Variants in TSTD2 observed in about 807,000 individuals in gnomAD.
TSTD2 encodes the protein thiosulfate sulfurtransferase like domain containing 2, also known as thiosulfate sulfurtransferase/rhodanese-like domain-containing protein 2.
A neutral mutation model predicts 47.9 loss-of-function variants in TSTD2; 37 were observed. That is an observed-to-expected ratio of 0.77 (90% confidence interval 0.59 to 1.02). The LOEUF (loss-of-function observed/expected upper bound fraction) is 1.02, where lower values mean the gene tolerates loss of function less well. Among genes scored for constraint, TSTD2 ranks in the 50% least tolerant of loss-of-function variants. The pLI is 0.00. For missense variants in TSTD2, 586 were observed against 616.0 expected, an observed-to-expected ratio of 0.95 and a Z score of 0.52; for synonymous variants, 201 against 215.9, an observed-to-expected ratio of 0.93 and a Z score of 0.61.
At chr9:97,626,192 C>T (rs1404654137) in intron 2 of TSTD2, among the ~76,000 whole-genome samples, 195 bp from the exon 3 acceptor site, 6 of 151,572 alleles carry the variant, frequency 4.0e-5, no homozygotes, top group African/African-American at 1.2e-4. Context: ...GAAATTAAAA[C>T]TAGGCTTTAT....
At chr9:97,619,023 G>A (rs1298552697) in intron 3 of TSTD2, among the ~76,000 whole-genome samples, 4 of 152,204 alleles carry the variant, frequency 2.6e-5, no homozygotes, top group Non-Finnish European at 5.9e-5. Context: ...ATTCCCTGAA[G>A]TGTGGGGCCA....
intron 3 of TSTD2, among the ~76,000 whole-genome samples, chr9:97,620,234 G>T (rs893431630): frequency 3.9e-5 from 6 of 152,126 alleles, no homozygotes. Context: ...TTAAAACTGG[G>T]AGTTTTCCTG....
At chr9:97,606,593 C>T (rs1172919412) in intron 6 of TSTD2, among the ~76,000 whole-genome samples, 1 of 152,168 alleles carries the variant, frequency 6.6e-6, no homozygotes, top group African/African-American at 2.4e-5. Flanking sequence ...TCTAAATTGC[C>T]ATGTGAATTT....
Position 97,627,332 on chromosome 9 carries a change from C to A in TSTD2, c.165+66G>T, listed in dbSNP as rs1314888095. The A allele has an allele frequency of 3.3e-6, 5 of 1,502,110 alleles. No individual in the cohort carries two copies. The East Asian group carries it at 1.2e-4, about 35-fold the overall frequency. 93.0% of individuals were successfully genotyped at this position (1,502,110 alleles called of 1,614,324 possible). On this transcript the variant is annotated intron_variant, in intron 2 of 9. Transcript: ENST00000341170. ...TTGAGCTGGAGAGCAACCTTGATAA[C>A]CGACTTCCAAATGTATCTGCGTTAA...
intron 4 of TSTD2, among the ~76,000 whole-genome samples, chr9:97,615,142 G>A (rs1188291685): frequency 6.6e-6 from 1 of 152,124 alleles, no homozygotes; most frequent in East Asian, 1.9e-4. Flanking sequence ...ATATAGCTAG[G>A]GCAGAGCATG....
chr9:97,627,333 C>T (rs1357393301), intron 2 of TSTD2, 65 bp downstream of exon 2: 21 of 1,500,730 alleles, frequency 1.4e-5, no homozygotes, highest in African/African-American at 4.2e-5. Context: ...CCTTGATAAC[C>T]GACTTCCAAA....
Position 97,605,467 on chromosome 9 carries a change from C to CGG in TSTD2, c.1113+14_1113+15dup. ...CTTCACTGCCATGCCCACAGTGCCC[C>CGG]GGGGTGGTGGCTCACCTTGGCTTTG... is the stretch of plus-strand genomic sequence containing the variant. On this transcript the variant is annotated intron_variant, in intron 8 of 9. Coordinates refer to ENST00000341170, the MANE Select transcript of TSTD2 (RefSeq NM_139246.5). The CGG allele has an allele frequency of 6.2e-7, 1 of 1,612,670 alleles. No homozygotes were observed. Among genetic ancestry groups the CGG allele is most frequent in the South Asian group, 1.1e-5 (1 of 91,010 alleles).
rs147663960 is a variant in TSTD2, at chr9:97,611,846, A to C, written c.604-147T>G. 398 of 784,126 alleles carry C rather than the reference A, an allele frequency of 5.1e-4. 1 individual carries two copies. The African/African-American group carries it at 6.2e-3, about 12-fold the overall frequency. The allele number at this position is 784,126 out of a possible 1,614,324, so 48.6% of individuals were successfully genotyped here. A position where few individuals can be genotyped will look rare whatever the true frequency, so the allele number is the denominator to read the frequency against. On this transcript the variant is annotated intron_variant, in intron 4 of 9. Transcript: ENST00000341170. ...GACACCAAAGTGTTACTGGACAAAGATATCTGTGTTTTTCTTTTTTATTTT... is the reference window on the plus strand; with the variant it reads ...GACACCAAAGTGTTACTGGACAAAGCTATCTGTGTTTTTCTTTTTTATTTT...
intron 1 of TSTD2, among the ~76,000 whole-genome samples, chr9:97,630,160 C>T (rs891027185): frequency 1.3e-5 from 2 of 152,142 alleles, no homozygotes; most frequent in African/African-American, 4.8e-5. Context: ...TCCCCATTCC[C>T]CATCAGATAT....
Position 97,602,414 on chromosome 9 carries a change from T to G in TSTD2, c.*55A>C. ...GCAGTCTTGCCATGCTTTCTCTGTA[T>G]AGTCACCCCAAACCTACTTTTACCG... On this transcript the variant is annotated 3_prime_UTR_variant, in exon 10 of 10. Transcript: ENST00000341170. The G allele has an allele frequency of 6.6e-7, 1 of 1,517,136 alleles. No homozygotes were observed. The highest frequency in any genetic ancestry group is 8.8e-7 in the Non-Finnish European group (1 of 1,130,870). The allele number at this position is 1,517,136 out of a possible 1,614,324, so 94.0% of individuals were successfully genotyped here. A position where few individuals can be genotyped will look rare whatever the true frequency, so the allele number is the denominator to read the frequency against.
At position 97,627,484 on chromosome 9, in the gene TSTD2, C is replaced by T. The variant is rs1826741516; in HGVS notation, c.79G>A (p.Asp27Asn). Residue 27 changes from aspartate (D) to asparagine (N), a missense_variant, in exon 2 of 10, where the codon GAT becomes AAT. Physicochemically the swap from Asp to Asn is conservative, Grantham distance 23. Transcript: ENST00000341170. Reference sequence around the variant, plus strand: ...CTGCTGGGATTAATAAGACTCATATCTTTTAAATCCAGGTCAGAAAATCTT... The same window carrying T: ...CTGCTGGGATTAATAAGACTCATATTTTTTAAATCCAGGTCAGAAAATCTT... ...ILRFSDLDLK[D>N]MSLINPSSSL... The T allele has an allele frequency of 6.2e-7, 1 of 1,613,576 alleles. No individual in the cohort carries two copies. The highest frequency in any genetic ancestry group is 1.7e-5 in the Admixed American group (1 of 59,992).
At chr9:97,611,264 C>T (rs751332758) in intron 5 of TSTD2, 3 of 198,252 alleles carry the variant, frequency 1.5e-5, no homozygotes, top group African/African-American at 2.3e-5. Context: ...AGTGAGACCC[C>T]GTCTCTACAA....
chr9:97,622,496 G>T (rs766111642), intron 3 of TSTD2, among the ~76,000 whole-genome samples: 16 of 152,228 alleles, frequency 1.1e-4, no homozygotes, highest in Non-Finnish European at 1.9e-4. Context: ...CCAACACAGA[G>T]TTCCCACTGA....
rs1336682958 is a variant in TSTD2, at chr9:97,627,633, A to C, written c.-50-21T>G. ...ACCTCCTAGAATATAAATAAGAAAG[A>C]AGCAGCCATGCTATTCTTTGATTTC... On this transcript the variant is annotated intron_variant, in intron 1 of 9. Coordinates refer to ENST00000341170, the MANE Select transcript of TSTD2 (RefSeq NM_139246.5). 11 of 1,374,942 alleles carry C rather than the reference A, an allele frequency of 8.0e-6. No individual in the cohort carries two copies. Among genetic ancestry groups the C allele is most frequent in the South Asian group, 1.6e-5 (1 of 62,326 alleles). 85.2% of individuals were successfully genotyped at this position (1,374,942 alleles called of 1,614,324 possible).
chr9:97,610,516 C>A, intron 5 of TSTD2, 65 bp from the exon 6 acceptor site: 1 of 1,201,408 alleles, frequency 8.3e-7, no homozygotes. Flanking sequence ...AAGACAAGTG[C>A]CAATATAAGA....
At chr9:97,604,682 A>G (rs1826334271) in intron 9 of TSTD2, 45 bp downstream of exon 9, 1 of 1,611,898 alleles carries the variant, frequency 6.2e-7, no homozygotes, top group Non-Finnish European at 8.5e-7. Context: ...GTGAACTGAC[A>G]ATGTGCTTCA....
chr9:97,610,260 T>G, intron 6 of TSTD2, 86 bp downstream of exon 6: 2 of 1,204,194 alleles, frequency 1.7e-6, no homozygotes, highest in Non-Finnish European at 1.2e-6. Flanking sequence ...TCATGACTGC[T>G]GCTGATCACA....
intron 3 of TSTD2, among the ~76,000 whole-genome samples, chr9:97,623,856 C>CAA (rs201554260): frequency 1.8e-4 from 25 of 138,226 alleles, no homozygotes; most frequent in Non-Finnish European, 3.8e-4. Context: ...GACTCTGTCT[C>CAA]AAAAAAAAAA....
chr9:97,626,575 T>G (rs764114979), intron 2 of TSTD2, among the ~76,000 whole-genome samples: 1 of 152,246 alleles, frequency 6.6e-6, no homozygotes, highest in African/African-American at 2.4e-5. Context: ...TTATGCTTAT[T>G]GTAAAACAAT....
Sources: gnomAD v4.1 joint callset for allele counts (sites outside exome capture counted in the v4.1 genomes callset) on GRCh38, gnomAD v4.1.1 for gene constraint, MANE v1.5 for transcripts, NCBI Gene and HGNC (gene_info 2026-07-23, HGNC 2026-07-21) for gene names.